The following CENPP variants were observed in gnomAD, a reference collection of about 807,000 sequenced individuals.
CENPP encodes the protein centromere protein P.
CENPP carries 24 observed loss-of-function variants against 35.6 expected under a neutral mutation model. The observed-to-expected ratio is 0.67, with a 90% CI of 0.49 to 0.95. The LOEUF (loss-of-function observed/expected upper bound fraction) is 0.95, where lower values mean the gene tolerates loss of function less well. Among genes scored for constraint, CENPP ranks in the 40% least tolerant of loss-of-function variants. CENPP has a pLI of 0.00. For synonymous variants in CENPP, 120 were observed against 125.5 expected, an observed-to-expected ratio of 0.96 and a Z score of 0.29; for missense variants, 332 against 345.3, an observed-to-expected ratio of 0.96 and a Z score of 0.31.
chr9:92,363,999 C>A (rs1175782497), intron 4 of CENPP, among the ~76,000 whole-genome samples: 1 of 152,014 alleles, frequency 6.6e-6, no homozygotes, highest in African/African-American at 2.4e-5. Flanking sequence ...CAGGCATGCA[C>A]CACCATGCCC....
rs376250410 is a variant in CENPP, at chr9:92,360,119, A to G, written c.467+14332A>G. Among the ~76,000 whole-genome samples the G allele has an allele frequency of 4.6e-5, 7 of 152,168 alleles. No individual in the cohort carries two copies. In the East Asian group the frequency reaches 5.8e-4, roughly 13 times the overall value. ...TCTCAAAACCCTCTCCTTTAAATAT[A>G]TTTTAATATTCTCTTTTAATTTATT... On this transcript the variant is annotated intron_variant, in intron 4 of 7. Transcript: ENST00000375587.
chr9:92,468,866 T>TA (rs1845409342), intron 5 of CENPP, among the ~76,000 whole-genome samples: 3 of 152,328 alleles, frequency 2.0e-5, no homozygotes, highest in South Asian at 4.1e-4. Context: ...AAGCTCCTGA[T>TA]ACCATTTAGT....
In CENPP at chr9:92,617,871, C is replaced by T. The variant is rs1169954726; in HGVS notation, c.*4722C>T. On this transcript the variant is annotated 3_prime_UTR_variant, in exon 8 of 8. Transcript: ENST00000375587. Reference sequence around the variant, plus strand: ...ACAGGAAGGCAGATCCAACTTGAGACATTTTCCTTTATGACAGGGCAGAAA... The same window carrying T: ...ACAGGAAGGCAGATCCAACTTGAGATATTTTCCTTTATGACAGGGCAGAAA... 9.4e-6 allele frequency: 2 copies of T among 211,890 alleles called. No individual in the cohort carries two copies. Among genetic ancestry groups the T allele is most frequent in the Admixed American group, 5.3e-5 (1 of 19,018 alleles). The allele number at this position is 211,890 out of a possible 1,614,324, so 13.1% of individuals were successfully genotyped here. A position where few individuals can be genotyped will look rare whatever the true frequency, so the allele number is the denominator to read the frequency against.
chr9:92,599,446 T>C (rs576403834), intron 5 of CENPP, among the ~76,000 whole-genome samples: 1 of 152,168 alleles, frequency 6.6e-6, no homozygotes, highest in South Asian at 2.1e-4. Flanking sequence ...AGACAGAGTA[T>C]CCCTCTGTCA....
At chr9:92,440,617 CTG>C (rs1161140759) in intron 5 of CENPP, among the ~76,000 whole-genome samples, 2 of 152,174 alleles carry the variant, frequency 1.3e-5, no homozygotes, top group Non-Finnish European at 2.9e-5. Flanking sequence ...AATCTCCTAT[CTG>C]TAAAATTGTG....
intron 5 of CENPP, among the ~76,000 whole-genome samples, chr9:92,380,573 CTTATTA>C (rs1457352323): frequency 6.6e-6 from 1 of 152,094 alleles, no homozygotes; most frequent in Non-Finnish European, 1.5e-5. Context: ...TCTATTGTTT[CTTATTA>C]TTATTTATTC....
chr9:92,576,338 G>A (rs1015380053), intron 5 of CENPP, among the ~76,000 whole-genome samples: 1 of 152,178 alleles, frequency 6.6e-6, no homozygotes, highest in Admixed American at 6.5e-5. Context: ...TAAAGGCAAA[G>A]GGAGGAAGGA....
Position 92,417,375 on chromosome 9 carries a change from A to C in CENPP, c.564+37516A>C, listed in dbSNP as rs748948132. ...GTTGGACAGAAGCATTCACTGACAC[A>C]GCCTAAAGTATACTGATGAAAAGGA... On this transcript the variant is annotated intron_variant, in intron 5 of 7. Coordinates refer to ENST00000375587, the MANE Select transcript of CENPP (RefSeq NM_001012267.3). 1.1e-5 allele frequency: 18 copies of C among 1,613,984 alleles called. No individual in the cohort carries two copies. The East Asian group carries it at 4.0e-4, about 36-fold the overall frequency.
chr9:92,402,218 T>C (rs1843144443), intron 5 of CENPP, among the ~76,000 whole-genome samples: 1 of 152,160 alleles, frequency 6.6e-6, no homozygotes, highest in Non-Finnish European at 1.5e-5. Context: ...CTATAATTAG[T>C]AATACCTATC....
chr9:92,337,676 G>C, intron 3 of CENPP, 47 bp downstream of exon 3: 7 of 1,172,646 alleles, frequency 6.0e-6, no homozygotes, highest in Non-Finnish European at 9.0e-6. Flanking sequence ...TCTGCTATGA[G>C]ATAAACAATT....
At chr9:92,514,622 A>G (rs760308704) in intron 5 of CENPP, 2 of 1,552,230 alleles carry the variant, frequency 1.3e-6, no homozygotes, top group Non-Finnish European at 1.7e-6. Context: ...AGAAGTCAAC[A>G]TCTCTTACCA....
rs529306560 is a variant in CENPP, at chr9:92,438,118, T to C, written c.564+58259T>C. Reference sequence around the variant, plus strand: ...CCACTGCACTGGGACCAATTTATGATTTTTTATCTTTTATTTTTCATGCTT... The same window carrying C: ...CCACTGCACTGGGACCAATTTATGACTTTTTATCTTTTATTTTTCATGCTT... On this transcript the variant is annotated intron_variant, in intron 5 of 7. Coordinates refer to ENST00000375587, the MANE Select transcript of CENPP (RefSeq NM_001012267.3). Among the ~76,000 whole-genome samples the C allele has an allele frequency of 1.6e-4, 24 of 152,306 alleles. No homozygotes were observed. The East Asian group carries it at 4.6e-3, about 29-fold the overall frequency.
intron 5 of CENPP, among the ~76,000 whole-genome samples, chr9:92,536,299 A>G (rs958470652): frequency 6.6e-6 from 1 of 152,200 alleles, no homozygotes; most frequent in Non-Finnish European, 1.5e-5. Context: ...TGTGGTTTTC[A>G]TAGACTATTC....
At chr9:92,491,206 CATT>C (rs1846163392) in intron 5 of CENPP, among the ~76,000 whole-genome samples, 1 of 152,188 alleles carries the variant, frequency 6.6e-6, no homozygotes, top group South Asian at 2.1e-4. Context: ...TCCAGATAAT[CATT>C]ATGTAGGACC....
Position 92,415,338 on chromosome 9 carries a change from AAT to A in CENPP, c.564+35481_564+35482del, listed in dbSNP as rs537877089. On this transcript the variant is annotated intron_variant, in intron 5 of 7. Coordinates refer to ENST00000375587, the MANE Select transcript of CENPP (RefSeq NM_001012267.3). The stretch of plus-strand genomic sequence containing the variant: ...TAGTGCTTCGTTGTTCACCATAATA[AAT>A]AGTGTGTATATGAGGGAAGCAGAAG... 19 of 1,613,674 alleles carry A rather than the reference AAT, an allele frequency of 1.2e-5. No individual in the cohort carries two copies. In the East Asian group the frequency reaches 4.0e-4, roughly 34 times the overall value.
At chr9:92,484,639 A>G (rs1846013692) in intron 5 of CENPP, among the ~76,000 whole-genome samples, 1 of 152,206 alleles carries the variant, frequency 6.6e-6, no homozygotes. Flanking sequence ...TTTAAAAATT[A>G]GGCTTTCCCA....
At chr9:92,420,360 C>T (rs1843751291) in intron 5 of CENPP, among the ~76,000 whole-genome samples, 1 of 152,140 alleles carries the variant, frequency 6.6e-6, no homozygotes, top group Non-Finnish European at 1.5e-5. Context: ...TTGCACATGC[C>T]CTAAACTTTC....
intron 5 of CENPP, among the ~76,000 whole-genome samples, chr9:92,552,182 CTATCAT>C (rs1564000377): frequency 9.2e-4 from 106 of 115,060 alleles, no homozygotes; most frequent in East Asian, 2.7e-3. Flanking sequence ...TATGATAGAT[CTATCAT>C]ATACACACAC....
intron 5 of CENPP, chr9:92,466,646 A>G (rs542327992): frequency 4.7e-6 from 6 of 1,266,574 alleles, no homozygotes; most frequent in African/African-American, 3.0e-5. Flanking sequence ...TGATTAGCCA[A>G]TGATGGAAAT....
Sources: allele counts gnomAD v4.1 joint callset (sites outside exome capture counted in the v4.1 genomes callset), GRCh38; gene constraint gnomAD v4.1.1; transcripts MANE v1.5; gene names NCBI Gene and HGNC (gene_info 2026-07-23, HGNC 2026-07-21).